The following FRMD4B variants were observed in gnomAD, a reference collection of about 807,000 sequenced individuals.
The protein encoded by FRMD4B is FERM domain containing 4B.
In FRMD4B, 74 loss-of-function variants were observed where a neutral mutation model predicts 141.5. The ratio of observed to expected loss-of-function variants is 0.52; its 90% CI spans 0.43 to 0.63. FRMD4B has a LOEUF of 0.63. Ranked by LOEUF, FRMD4B falls within the 30% of genes least tolerant of loss-of-function variation. The pLI is 0.00. For missense variants in FRMD4B, 1,366 were observed against 1,253.4 expected (o/e 1.09, Z -1.36); for synonymous variants, 506 against 467.9 (o/e 1.08, Z -1.05).
intron 1 of FRMD4B, among the ~76,000 whole-genome samples, chr3:69,537,844 A>C (rs1246396603): frequency 1.3e-5 from 2 of 152,250 alleles, no homozygotes; most frequent in African/African-American, 4.8e-5. Flanking sequence ...CCCTGTGGTG[A>C]ACATTTATTC....
intron 1 of FRMD4B, among the ~76,000 whole-genome samples, chr3:69,492,246 G>T (rs1358819405): frequency 6.6e-6 from 1 of 152,144 alleles, no homozygotes; most frequent in Non-Finnish European, 1.5e-5. Context: ...TGTGAGCTTG[G>T]CAGCTCACTT....
intron 9 of FRMD4B, 119 bp downstream of exon 9, chr3:69,221,739 G>C: frequency 1.5e-6 from 1 of 673,960 alleles, no homozygotes; most frequent in Non-Finnish European, 2.7e-6. Context: ...TTCACAGTAA[G>C]ATATTTCTAA....
chr3:69,448,384 G>A (rs1705442840), intron 1 of FRMD4B, among the ~76,000 whole-genome samples: 1 of 152,094 alleles, frequency 6.6e-6, no homozygotes. Flanking sequence ...TAAATACTCT[G>A]GAGTGGAATT....
At position 69,221,849 on chromosome 3, in the gene FRMD4B, G is replaced by A. The variant is rs1438073233; in HGVS notation, c.731+9C>T. ...AAAATTATATCTAAGCAAAAGGAAA[G>A]ATACTTACTGAACCACAGCTTGACC... On this transcript the variant is annotated intron_variant, in intron 9 of 22. Coordinates refer to ENST00000398540, the MANE Select transcript of FRMD4B (RefSeq NM_015123.3). 7.1e-7 allele frequency: 1 copy of A among 1,415,040 alleles called. No individual in the cohort carries two copies. The highest frequency in any genetic ancestry group is 9.9e-7 in the Non-Finnish European group (1 of 1,005,908). 87.7% of individuals were successfully genotyped at this position (1,415,040 alleles called of 1,614,324 possible).
intron 1 of FRMD4B, among the ~76,000 whole-genome samples, chr3:69,488,182 G>A (rs1706248206): frequency 6.6e-6 from 1 of 152,178 alleles, no homozygotes; most frequent in South Asian, 2.1e-4. Flanking sequence ...TTAAAATGGA[G>A]CCCTGTTAAG....
chr3:69,461,240 C>T (rs1435704349), intron 1 of FRMD4B, among the ~76,000 whole-genome samples: 1 of 152,130 alleles, frequency 6.6e-6, no homozygotes, highest in Non-Finnish European at 1.5e-5. Context: ...CACACCTCCA[C>T]TTTAAGAAAC....
At chr3:69,423,375 C>G (rs964649259) in intron 2 of FRMD4B, among the ~76,000 whole-genome samples, 1 of 130,680 alleles carries the variant, frequency 7.7e-6, no homozygotes, top group African/African-American at 3.1e-5. Context: ...AAATTTGAGT[C>G]ACCCAATGCT....
chr3:69,409,548 C>T (rs1283877130), intron 2 of FRMD4B, among the ~76,000 whole-genome samples: 1 of 152,188 alleles, frequency 6.6e-6, no homozygotes, highest in Non-Finnish European at 1.5e-5. Flanking sequence ...CCTCATTCTT[C>T]TAGCTGAGAA....
chr3:69,418,004 T>G (rs1250104394), intron 2 of FRMD4B, among the ~76,000 whole-genome samples: 3 of 152,194 alleles, frequency 2.0e-5, no homozygotes, highest in Non-Finnish European at 4.4e-5. Context: ...AGGGGTCTTG[T>G]GATGGTATGA....
intron 1 of FRMD4B, among the ~76,000 whole-genome samples, chr3:69,530,344 T>C (rs186595191): frequency 1.2e-4 from 19 of 152,278 alleles, no homozygotes; most frequent in Non-Finnish European, 2.2e-4. Context: ...GGTGAATGAG[T>C]TCTCACTCTA....
chr3:69,323,293 G>A (rs1335629634), intron 1 of FRMD4B, among the ~76,000 whole-genome samples: 6 of 151,982 alleles, frequency 3.9e-5, no homozygotes, highest in Non-Finnish European at 5.9e-5. Flanking sequence ...ATGGCCGGGC[G>A]TGGTGGCTCA....
intron 1 of FRMD4B, among the ~76,000 whole-genome samples, chr3:69,485,659 C>A (rs1371899867): frequency 6.6e-6 from 1 of 152,224 alleles, no homozygotes; most frequent in Non-Finnish European, 1.5e-5. Context: ...CCCCTCACAG[C>A]CTGGGGTTGG....
At chr3:69,380,069 G>T (rs866189897) in intron 1 of FRMD4B, among the ~76,000 whole-genome samples, 37 of 152,346 alleles carry the variant, frequency 2.4e-4, no homozygotes, top group South Asian at 4.1e-4. Context: ...GCCCACCAAT[G>T]TGGTGAGATC....
chr3:69,281,832 A>AT (rs1182288829), intron 5 of FRMD4B, among the ~76,000 whole-genome samples: 1,370 of 52,916 alleles, frequency 0.026, 24 homozygotes, highest in African/African-American at 0.063. Flanking sequence ...TCAAAAAAAA[A>AT]AAAAAAATAT....
At chr3:69,325,125 G>GAAAGAAAGAAAGAA (rs758351887) in intron 1 of FRMD4B, among the ~76,000 whole-genome samples, 3 of 149,998 alleles carry the variant, frequency 2.0e-5, no homozygotes, top group Non-Finnish European at 4.5e-5. Context: ...AAGAAAGAAA[G>GAAAGAAAGAAAGAA]AAAAGAAATT....
chr3:69,439,169 G>T (rs1264418354), intron 1 of FRMD4B, among the ~76,000 whole-genome samples: 1 of 152,062 alleles, frequency 6.6e-6, no homozygotes, highest in Non-Finnish European at 1.5e-5. Flanking sequence ...GCTCAACATG[G>T]TTTTTTGCGA....
upstream of FRMD4B, chr3:69,386,096 G>C (rs965177562): frequency 4.8e-6 from 5 of 1,033,210 alleles, no homozygotes; most frequent in Non-Finnish European, 6.7e-6. Flanking sequence ...GCTGGCAGCC[G>C]GGGGGTCAAG....
chr3:69,323,132 A>C, intron 1 of FRMD4B: 1 of 220,860 alleles, frequency 4.5e-6, no homozygotes, highest in Non-Finnish European at 7.6e-6. Flanking sequence ...GAGGGGAGGA[A>C]TGACAAAGAA....
intron 7 of FRMD4B, among the ~76,000 whole-genome samples, chr3:69,248,747 C>G (rs912781305): frequency 5.3e-5 from 8 of 152,210 alleles, no homozygotes. Flanking sequence ...TAAGTGTCTC[C>G]GCAGCAACAA....
Sources: gnomAD v4.1 joint callset for allele counts (sites outside exome capture counted in the v4.1 genomes callset) on GRCh38, gnomAD v4.1.1 for gene constraint, MANE v1.5 for transcripts, NCBI Gene and HGNC (gene_info 2026-07-23, HGNC 2026-07-21) for gene names.